The following VWA3B variants were observed in gnomAD, a reference collection of about 807,000 sequenced individuals.
The protein encoded by VWA3B is von Willebrand factor A domain containing 3B, also known as von Willebrand factor A domain-containing protein 3B.
In VWA3B, 138 loss-of-function variants were observed where a neutral mutation model predicts 158.3. That is an observed-to-expected ratio of 0.87 (90% confidence interval 0.76 to 1.00). VWA3B has a LOEUF of 1.00. VWA3B is among the 50% of genes least tolerant of loss of function. The pLI is 0.00. For missense variants in VWA3B, 1,555 were observed against 1,565.1 expected, an observed-to-expected ratio of 0.99 and a Z score of 0.11; for synonymous variants, 596 against 587.3, an observed-to-expected ratio of 1.01 and a Z score of -0.21.
At position 98,115,602 on chromosome 2, in the gene VWA3B, GGTTCACTCAT is replaced by G. The variant is rs1223274873; in HGVS notation, c.197-47_197-38del. On this transcript the variant is annotated intron_variant, in intron 2 of 27. Coordinates refer to ENST00000477737, the MANE Select transcript of VWA3B (RefSeq NM_144992.5). Reference sequence around the variant, plus strand: ...AAACATTTCAAAATAAAAATAGGAAGGTTCACTCATGTACTACTGTTTTGATTGTTTTTCT... The same window carrying G: ...AAACATTTCAAAATAAAAATAGGAAGGTACTACTGTTTTGATTGTTTTTCT... The G allele has an allele frequency of 8.7e-6, 12 of 1,383,782 alleles. No homozygotes were observed. In the African/African-American group the frequency reaches 1.1e-4, roughly 13 times the overall value. The allele number at this position is 1,383,782 out of a possible 1,614,324, so 85.7% of individuals were successfully genotyped here. A position where few individuals can be genotyped will look rare whatever the true frequency, so the allele number is the denominator to read the frequency against.
At chr2:98,320,160 T>C in the VWA3B span, among the ~76,000 whole-genome samples, 1 of 152,178 alleles carries the variant, frequency 6.6e-6, no homozygotes, top group Non-Finnish European at 1.5e-5. Flanking sequence ...ACAAGTCTCA[T>C]GAGAGCTGAT....
At chr2:98,210,162 C>T (rs1683390882) in intron 12 of VWA3B, among the ~76,000 whole-genome samples, 1 of 152,198 alleles carries the variant, frequency 6.6e-6, no homozygotes, top group South Asian at 2.1e-4. Flanking sequence ...CCTGGCCCCT[C>T]TCCTCCTATG....
At chr2:98,215,915 C>T (rs1436817834) in intron 13 of VWA3B, among the ~76,000 whole-genome samples, 1 of 151,998 alleles carries the variant, frequency 6.6e-6, no homozygotes, top group Non-Finnish European at 1.5e-5. Context: ...CTTGGATTCT[C>T]TCAAAAAGGC....
chr2:98,309,167 CAAA>C (rs763812141), intron 26 of VWA3B, among the ~76,000 whole-genome samples: 1 of 69,312 alleles, frequency 1.4e-5, no homozygotes, highest in Admixed American at 1.7e-4. Context: ...GAGACTCTGT[CAAA>C]AAAAAAAAAA....
chr2:98,213,437 G>A (rs207462092), intron 13 of VWA3B, among the ~76,000 whole-genome samples: 3 of 152,166 alleles, frequency 2.0e-5, no homozygotes, highest in Non-Finnish European at 4.4e-5. Flanking sequence ...AGCTGGGAAG[G>A]ACCTAGCCTT....
At chr2:98,203,685 G>A (rs543502801) in intron 12 of VWA3B, among the ~76,000 whole-genome samples, 1 of 152,192 alleles carries the variant, frequency 6.6e-6, no homozygotes, top group Admixed American at 6.5e-5. Flanking sequence ...TGGAGCAATT[G>A]TAAGTGGTAT....
intron 19 of VWA3B, among the ~76,000 whole-genome samples, chr2:98,242,781 A>C (rs1686162637): frequency 6.6e-6 from 1 of 150,378 alleles, no homozygotes; most frequent in Non-Finnish European, 1.5e-5. Context: ...TCTAAAACTT[A>C]GAGTGACCTG....
chr2:98,095,822 T>G (rs944406304), intron 2 of VWA3B, among the ~76,000 whole-genome samples: 1 of 152,236 alleles, frequency 6.6e-6, no homozygotes, highest in East Asian at 1.9e-4. Context: ...AGAGTTTTTA[T>G]TATGAAGAGA....
At chr2:98,289,091 C>T (rs17500406) in intron 22 of VWA3B, among the ~76,000 whole-genome samples, 20,300 of 151,736 alleles carry the variant, frequency 0.13, 2,047 homozygotes, top group Non-Finnish European at 0.2. Flanking sequence ...CTATGTGATA[C>T]ACTGGCCAAT....
intron 13 of VWA3B, among the ~76,000 whole-genome samples, chr2:98,212,401 G>A (rs1683602384): frequency 6.6e-6 from 1 of 152,140 alleles, no homozygotes; most frequent in Admixed American, 6.5e-5. Flanking sequence ...ACATGTCACT[G>A]CATAATGTCC....
intron 13 of VWA3B, among the ~76,000 whole-genome samples, chr2:98,214,126 G>A (rs900316633): frequency 2.0e-5 from 3 of 151,948 alleles, no homozygotes; most frequent in Admixed American, 6.6e-5. Context: ...AGGAGTTCAA[G>A]GATGCAGTGA....
intron 8 of VWA3B, among the ~76,000 whole-genome samples, chr2:98,165,168 C>T (rs72948926): frequency 0.02 from 2,995 of 152,312 alleles, 100 homozygotes; most frequent in African/African-American, 0.068. Context: ...ACCTGGTGGA[C>T]GCACATACCT....
At chr2:98,282,702 G>C (rs1458480739) in intron 22 of VWA3B, among the ~76,000 whole-genome samples, 1 of 152,164 alleles carries the variant, frequency 6.6e-6, no homozygotes, top group African/African-American at 2.4e-5. Flanking sequence ...GCCACCAAAA[G>C]TGCTGGGATT....
chr2:98,145,800 A>G (rs1273320504), intron 7 of VWA3B, among the ~76,000 whole-genome samples: 1 of 151,986 alleles, frequency 6.6e-6, no homozygotes, highest in Non-Finnish European at 1.5e-5. Context: ...GATCACTGCA[A>G]CCTTAAACTC....
chr2:98,174,712 G>C (rs1413508408), intron 8 of VWA3B, among the ~76,000 whole-genome samples: 1 of 152,164 alleles, frequency 6.6e-6, no homozygotes, highest in African/African-American at 2.4e-5. Flanking sequence ...AGGGCTGTGG[G>C]CATGCCCAGG....
chr2:98,144,159 G>A (rs1329764609), intron 7 of VWA3B, among the ~76,000 whole-genome samples: 1 of 152,012 alleles, frequency 6.6e-6, no homozygotes, highest in Non-Finnish European at 1.5e-5. Context: ...ATGGATGGAT[G>A]GATATATATG....
rs781269617 is a variant in VWA3B, at chr2:98,298,441, T to TCTATG, written c.3282+412_3282+416dup. ...TCTATTCTATTCTATTCTATTCTAT[T>TCTATG]CTATGCCATGCCATGCCATGCCATG... On this transcript the variant is annotated intron_variant, in intron 24 of 27. Coordinates refer to ENST00000477737, the MANE Select transcript of VWA3B (RefSeq NM_144992.5). Among the ~76,000 whole-genome samples the TCTATG allele has an allele frequency of 9.5e-3, 1,122 of 118,510 alleles. 7 individuals are homozygous for TCTATG. Among genetic ancestry groups the TCTATG allele is most frequent in the South Asian group, 0.013 (44 of 3,456 alleles). 77.7% of individuals were successfully genotyped at this position (118,510 alleles called of 152,430 possible). A position where few individuals can be genotyped will look rare whatever the true frequency, so the allele number is the denominator to read the frequency against.
intron 14 of VWA3B, among the ~76,000 whole-genome samples, chr2:98,220,380 A>G (rs1334994524): frequency 1.3e-5 from 2 of 152,160 alleles, no homozygotes; most frequent in East Asian, 1.9e-4. Flanking sequence ...TTGCACAATT[A>G]TAAGAAAAAG....
chr2:98,244,847 A>G (rs1180131401), intron 19 of VWA3B, among the ~76,000 whole-genome samples: 1 of 152,184 alleles, frequency 6.6e-6, no homozygotes, highest in Non-Finnish European at 1.5e-5. Flanking sequence ...GATAATCACT[A>G]TTGAGTACAG....
Sources: allele counts gnomAD v4.1 joint callset (sites outside exome capture counted in the v4.1 genomes callset), GRCh38; gene constraint gnomAD v4.1.1; transcripts MANE v1.5; gene names NCBI Gene and HGNC (gene_info 2026-07-23, HGNC 2026-07-21).